STS: variants seen among roughly 807,000 people sequenced by gnomAD.
STS encodes the protein steryl-sulfatase.
STS carries 7 observed loss-of-function variants against 26.8 expected under a neutral mutation model. The observed-to-expected ratio is 0.26, with a 90% confidence interval of 0.15 to 0.49. STS has a LOEUF of 0.49. STS is among the 20% of genes least tolerant of loss of function. The probability of loss-of-function intolerance (pLI) is 0.98; values close to 1 mark genes in which losing one functional copy is unlikely to be tolerated. For missense variants in STS, 434 were observed against 465.6 expected (o/e 0.93, Z 0.63); for synonymous variants, 199 against 189.4 (o/e 1.05, Z -0.42).
intron 7 of STS, among the ~76,000 whole-genome samples, chrX:7,283,621 A>T (rs774939247): frequency 9.0e-6 from 1 of 110,499 alleles, no homozygotes; most frequent in South Asian, 4.0e-4. Flanking sequence ...AGGTATGTGG[A>T]TTTTCAGTTC....
chrX:7,210,990 G>C (rs759728976), intron 2 of STS, among the ~76,000 whole-genome samples: 1 of 110,717 alleles, frequency 9.0e-6, no homozygotes, highest in South Asian at 3.8e-4. Context: ...ATACTTTGTG[G>C]GGAGAACACT....
At chrX:7,259,821 G>A in intron 6 of STS, 49 bp downstream of exon 6, 2 of 1,176,050 alleles carry the variant, frequency 1.7e-6, no homozygotes, top group South Asian at 3.6e-5. Context: ...AACATTCTGG[G>A]TTATTTCTCG....
rs749392557 is a variant in STS at position 7,352,159 on chromosome X, CTATT to C, written c.*1901_*1904del. On this transcript the variant is annotated 3_prime_UTR_variant, in exon 11 of 11. Transcript: ENST00000674429. ...TGCTACTGATGCTGTCATGTGGAAA[CTATT>C]TAAAGGCACTATTATAAATTTATCC... 7 of 111,616 alleles carry C rather than the reference CTATT, an allele frequency of 6.3e-5. No individual in the cohort carries two copies. Among genetic ancestry groups the C allele is most frequent in the Non-Finnish European group, 1.3e-4 (7 of 53,165 alleles). 9.2% of individuals were successfully genotyped at this position (111,616 alleles called of 1,213,427 possible). A position where few individuals can be genotyped will look rare whatever the true frequency, so the allele number is the denominator to read the frequency against.
intron 6 of STS, among the ~76,000 whole-genome samples, 193 bp from the exon 7 acceptor site, chrX:7,275,758 C>T (rs1284834468): frequency 9.0e-6 from 1 of 110,938 alleles, no homozygotes; most frequent in African/African-American, 3.3e-5. Flanking sequence ...CAATAAGTCA[C>T]TTCATAGAGA....
chrX:7,252,238 G>C (rs1196045455), intron 2 of STS: 44 of 736,100 alleles, frequency 6.0e-5, no homozygotes, highest in Non-Finnish European at 6.6e-5. Context: ...CTTGGTTCTG[G>C]AAGTATTTGA....
chrX:7,244,680 C>T (rs187326975), intron 2 of STS, among the ~76,000 whole-genome samples: 8 of 111,319 alleles, frequency 7.2e-5, no homozygotes, highest in African/African-American at 2.6e-4. Context: ...TTGGGGACAG[C>T]ATCCTGTCGG....
At chrX:7,147,624 T>C (rs769440716), upstream of STS, among the ~76,000 whole-genome samples, 4 of 112,201 alleles carry the variant, frequency 3.6e-5, no homozygotes, top group African/African-American at 1.3e-4. Flanking sequence ...CCAGGCTACT[T>C]TGCAGACGGG....
intron 6 of STS, among the ~76,000 whole-genome samples, chrX:7,270,004 G>A (rs751247278): frequency 2.7e-5 from 3 of 111,921 alleles, no homozygotes; most frequent in South Asian, 3.7e-4. Context: ...CCATCTTCTT[G>A]TGTGAATTTT....
intron 2 of STS, among the ~76,000 whole-genome samples, chrX:7,197,380 T>C (rs1267547296): frequency 9.0e-6 from 1 of 111,272 alleles, no homozygotes; most frequent in Non-Finnish European, 1.9e-5. Context: ...CTGGATCTTG[T>C]GCAAGAAGGA....
chrX:7,185,324 T>C (rs1227606323), intron 1 of STS, among the ~76,000 whole-genome samples: 8 of 112,802 alleles, frequency 7.1e-5, no homozygotes, highest in African/African-American at 2.3e-4. Flanking sequence ...ATAGTAAATA[T>C]TTTCAGCCTT....
chrX:7,187,140 G>C (rs759056829), intron 1 of STS, among the ~76,000 whole-genome samples: 1 of 111,921 alleles, frequency 8.9e-6, no homozygotes, highest in Non-Finnish European at 1.9e-5. Flanking sequence ...GGAAGACTTG[G>C]GTCTTCCCTT....
At chrX:7,224,358 T>C (rs1921710666) in intron 2 of STS, among the ~76,000 whole-genome samples, 1 of 111,466 alleles carries the variant, frequency 9.0e-6, no homozygotes, top group African/African-American at 3.3e-5. Flanking sequence ...GAGTTAAGCA[T>C]TTAACCTCCC....
chrX:7,184,936 A>G (rs1933745500), intron 1 of STS, among the ~76,000 whole-genome samples: 1 of 111,989 alleles, frequency 8.9e-6, no homozygotes, highest in Non-Finnish European at 1.9e-5. Flanking sequence ...GAGTCAATTC[A>G]GAATAAGTTA....
chrX:7,213,456 C>T (rs1286164029), intron 2 of STS, among the ~76,000 whole-genome samples: 2 of 110,766 alleles, frequency 1.8e-5, no homozygotes, highest in Admixed American at 1.9e-4. Flanking sequence ...GACCATCTTT[C>T]GGTGGGAAAG....
intron 8 of STS, among the ~76,000 whole-genome samples, chrX:7,319,982 A>G (rs1278621624): frequency 3.3e-5 from 3 of 90,103 alleles, no homozygotes; most frequent in Non-Finnish European, 6.1e-5. Context: ...ATATATGTAT[A>G]TATATTTATA....
intron 2 of STS, among the ~76,000 whole-genome samples, chrX:7,211,160 C>A (rs1461937080): frequency 8.9e-6 from 1 of 111,913 alleles, no homozygotes; most frequent in African/African-American, 3.2e-5. Context: ...AAAACACTTA[C>A]TTTAATATTC....
chrX:7,249,822 C>A (rs966841212), intron 2 of STS, among the ~76,000 whole-genome samples: 6 of 110,140 alleles, frequency 5.4e-5, no homozygotes, highest in Non-Finnish European at 9.5e-5. Flanking sequence ...CTTTTCTAAC[C>A]GATACTGTAT....
chrX:7,297,821 T>C (rs1925739992), intron 7 of STS, among the ~76,000 whole-genome samples: 1 of 111,876 alleles, frequency 8.9e-6, no homozygotes, highest in East Asian at 2.8e-4. Flanking sequence ...TGTCTCTTGC[T>C]CAGTCATTAG....
intron 7 of STS, among the ~76,000 whole-genome samples, chrX:7,285,859 A>G (rs1230226215): frequency 4.5e-5 from 5 of 111,800 alleles, no homozygotes; most frequent in Non-Finnish European, 9.4e-5. Flanking sequence ...TCTTTCCTTA[A>G]TCCCCAATGC....
Sources: gnomAD v4.1 joint callset for allele counts (sites outside exome capture counted in the v4.1 genomes callset) on GRCh38, gnomAD v4.1.1 for gene constraint, MANE v1.5 for transcripts, NCBI Gene and HGNC (gene_info 2026-07-23, HGNC 2026-07-21) for gene names.